Variants in GABRA3 observed in about 807,000 individuals in gnomAD.
The protein encoded by GABRA3 is gamma-aminobutyric acid type A receptor subunit alpha3, also known as gamma-aminobutyric acid receptor subunit alpha-3.
GABRA3 carries 10 observed loss-of-function variants against 30.1 expected under a neutral mutation model. That is an observed-to-expected ratio of 0.33 (90% CI 0.20 to 0.56). The LOEUF (loss-of-function observed/expected upper bound fraction) is 0.56. Ranked by LOEUF, GABRA3 falls within the 20% of genes least tolerant of loss-of-function variation. The pLI is 0.89. For missense variants in GABRA3, 233 were observed against 392.0 expected (o/e 0.59, Z 3.42); for synonymous variants, 151 against 146.8 (o/e 1.03, Z -0.21).
rs1931214180 is a variant in GABRA3 at position 152,451,199 on chromosome X, T to C, written c.-80A>G. 8.9e-6 allele frequency: 1 copy of C among 112,219 alleles called. No individual in the cohort carries two copies. The allele number at this position is 112,219 out of a possible 1,213,427, so 9.2% of individuals were successfully genotyped here. The stretch of plus-strand genomic sequence containing the variant: ...AGAAGGATGAATGAACTGAAACAAG[T>C]TGGAGGTTGAGCCCTGACAGAGCTC... On this transcript the variant is annotated 5_prime_UTR_variant, in exon 1 of 10. Coordinates refer to ENST00000370314, the MANE Select transcript of GABRA3 (RefSeq NM_000808.4).
intron 1 of GABRA3, among the ~76,000 whole-genome samples, chrX:152,435,688 A>T (rs1930762463): frequency 9.0e-6 from 1 of 110,885 alleles, no homozygotes; most frequent in African/African-American, 3.3e-5. Flanking sequence ...GCACATGTAT[A>T]CCTATGTAAC....
At chrX:152,236,402 C>A (rs1331157582) in intron 5 of GABRA3, among the ~76,000 whole-genome samples, 1 of 99,986 alleles carries the variant, frequency 1.0e-5, no homozygotes, top group Non-Finnish European at 2.0e-5. Flanking sequence ...CATTGTTGGA[C>A]GTTTGGGTTG....
rs1214752961 is a variant in GABRA3, at chrX:152,269,506, T to C, written c.331-13508A>G. ...GACGAATCCTAAAATTTATGTAGAA[T>C]AACAAAAGGCCTTGAATAACCAAAG... On this transcript the variant is annotated intron_variant, in intron 4 of 9. Transcript: ENST00000370314. Among the ~76,000 whole-genome samples the C allele has an allele frequency of 8.0e-5, 9 of 111,822 alleles. No individual in the cohort carries two copies. The Admixed American group carries it at 8.5e-4, about 11-fold the overall frequency.
At chrX:152,276,979 C>A (rs370845601) in intron 4 of GABRA3, among the ~76,000 whole-genome samples, 9 of 111,681 alleles carry the variant, frequency 8.1e-5, no homozygotes, top group East Asian at 2.8e-4. Context: ...TTGCTTGTAT[C>A]TTTAAATATT....
chrX:152,374,866 G>A (rs944152669), intron 1 of GABRA3, among the ~76,000 whole-genome samples: 1 of 111,571 alleles, frequency 9.0e-6, no homozygotes, highest in African/African-American at 3.3e-5. Context: ...TGGCTAGCCA[G>A]TTCTCCCAGC....
chrX:152,354,225 C>A (rs774161444), intron 2 of GABRA3, among the ~76,000 whole-genome samples: 90 of 111,503 alleles, frequency 8.1e-4, no homozygotes, highest in Non-Finnish European at 1.3e-3. Flanking sequence ...GGGTTTCAAT[C>A]CTAACTCTTC....
Position 152,364,492 on chromosome X carries a change from T to A in GABRA3, c.79A>T (p.Thr27Ser). ...LFLINILPGT[T>S]GQGESRRQEP... ...TGTCGTCTTGATTCCCCTTGACCAGTGGTTCCAGGGAGAATATTAATCAGG... is the reference window on the plus strand; with the variant it reads ...TGTCGTCTTGATTCCCCTTGACCAGAGGTTCCAGGGAGAATATTAATCAGG... The change falls in exon 2 of 10, where the codon ACT (threonine) becomes TCT (serine). Residue 27 changes from threonine (T) to serine (S), a missense_variant. Around this residue, in one of 6 missense-constraint regions of GABRA3, gnomAD observed 69 missense variants for 79.4 expected, o/e 0.87. Coordinates refer to ENST00000370314, the MANE Select transcript of GABRA3 (RefSeq NM_000808.4). 2 of 1,207,417 alleles carry A rather than the reference T, an allele frequency of 1.7e-6. No individual in the cohort carries two copies. Among genetic ancestry groups the A allele is most frequent in the Non-Finnish European group, 2.2e-6 (2 of 892,171 alleles).
intron 4 of GABRA3, among the ~76,000 whole-genome samples, chrX:152,270,854 T>C (rs376816210): frequency 7.3e-5 from 7 of 96,212 alleles, no homozygotes; most frequent in Non-Finnish European, 1.1e-4. Context: ...GATTCCAACT[T>C]AAAAAAAAAA....
chrX:152,265,577 C>T (rs920787919), intron 4 of GABRA3, among the ~76,000 whole-genome samples: 3 of 111,282 alleles, frequency 2.7e-5, no homozygotes, highest in Non-Finnish European at 3.8e-5. Context: ...CCTAACAATG[C>T]ATCTTAAAGA....
intron 1 of GABRA3, among the ~76,000 whole-genome samples, chrX:152,448,161 A>T (rs1931133749): frequency 1.8e-5 from 2 of 111,953 alleles, no homozygotes; most frequent in Non-Finnish European, 3.8e-5. Flanking sequence ...TTTGACCAGT[A>T]CTCTACTAGA....
At chrX:152,299,375 C>T (rs5970263) in intron 3 of GABRA3, among the ~76,000 whole-genome samples, 3,836 of 109,090 alleles carry the variant, frequency 0.035, 160 homozygotes, top group African/African-American at 0.12. Flanking sequence ...GGGTATGGCT[C>T]AGTTTGAGGC....
intron 6 of GABRA3, among the ~76,000 whole-genome samples, chrX:152,223,571 C>T (rs1937882226): frequency 9.1e-6 from 1 of 110,417 alleles, no homozygotes; most frequent in South Asian, 3.9e-4. Flanking sequence ...TGGCCAGCCA[C>T]ACTGGCTGAA....
At chrX:152,444,918 G>T (rs1234407376) in intron 1 of GABRA3, among the ~76,000 whole-genome samples, 1 of 93,685 alleles carries the variant, frequency 1.1e-5, no homozygotes, top group Non-Finnish European at 2.1e-5. Context: ...AAAATTAGCC[G>T]GGCGTGGTGG....
intron 9 of GABRA3, among the ~76,000 whole-genome samples, chrX:152,175,793 G>A (rs1051629512): frequency 2.7e-5 from 3 of 111,200 alleles, no homozygotes; most frequent in Non-Finnish European, 5.6e-5. Context: ...GGCTGGGCAC[G>A]GTGCCTCACG....
At chrX:152,346,094 T>C (rs1173112748) in intron 2 of GABRA3, among the ~76,000 whole-genome samples, 1 of 111,737 alleles carries the variant, frequency 8.9e-6, no homozygotes, top group Non-Finnish European at 1.9e-5. Context: ...ACTGAGAACT[T>C]ACCTCACTTC....
At chrX:152,254,456 C>G (rs1323565225) in intron 5 of GABRA3, among the ~76,000 whole-genome samples, 2 of 110,251 alleles carry the variant, frequency 1.8e-5, no homozygotes, top group Non-Finnish European at 3.8e-5. Context: ...ATATACATGC[C>G]TCTATGTACT....
intron 1 of GABRA3, among the ~76,000 whole-genome samples, chrX:152,448,519 G>A (rs1264885916): frequency 2.7e-5 from 3 of 111,261 alleles, no homozygotes; most frequent in Non-Finnish European, 5.7e-5. Flanking sequence ...ATCTGAGCTA[G>A]GAATGGAACC....
chrX:152,267,714 T>C (rs1188605870), intron 4 of GABRA3, among the ~76,000 whole-genome samples: 1 of 111,820 alleles, frequency 8.9e-6, no homozygotes, highest in East Asian at 2.8e-4. Context: ...GGTTTTCTCT[T>C]TCTTCATGGT....
chrX:152,401,729 C>T (rs5970294), intron 1 of GABRA3, among the ~76,000 whole-genome samples: 51,738 of 110,386 alleles, frequency 0.47, 10,342 homozygotes, highest in Non-Finnish European at 0.64. Context: ...TTGATGCCTC[C>T]AATGTAGCAC....
Sources: gnomAD v4.1 joint callset for allele counts (sites outside exome capture counted in the v4.1 genomes callset) on GRCh38, gnomAD v4.1.1 for gene constraint, gnomAD v4.1.1 regional missense constraint, MANE v1.5 for transcripts, NCBI Gene and HGNC (gene_info 2026-07-23, HGNC 2026-07-21) for gene names.